The following ATP10B variants were observed in gnomAD, a reference collection of about 807,000 sequenced individuals.
ATP10B encodes ATPase phospholipid transporting 10B (putative).
Under a neutral mutation model 141.2 loss-of-function variants are expected in ATP10B, and 122 were observed. The ratio of observed to expected loss-of-function variants is 0.86; its 90% CI spans 0.75 to 1.00. The LOEUF is 1.00. ATP10B is among the 50% of genes least tolerant of loss of function. The pLI is 0.00. For missense variants in ATP10B, 1,876 were observed against 1,825.3 expected (o/e 1.03, Z -0.51); for synonymous variants, 685 against 692.0 (o/e 0.99, Z 0.16).
intron 2 of ATP10B, among the ~76,000 whole-genome samples, chr5:160,727,213 C>T (rs1766424220): frequency 6.6e-6 from 1 of 152,138 alleles, no homozygotes. Context: ...TTATATTGGA[C>T]ATTATACACT....
chr5:160,912,315 G>A, the ATP10B span, among the ~76,000 whole-genome samples: 3 of 148,698 alleles, frequency 2.0e-5, no homozygotes, highest in East Asian at 2.0e-4. Context: ...AGTGGCTCAC[G>A]CCTATAATCC....
At chr5:160,844,340 A>G (rs1202044479) in intron 1 of ATP10B, among the ~76,000 whole-genome samples, 3 of 152,198 alleles carry the variant, frequency 2.0e-5, no homozygotes, top group Non-Finnish European at 2.9e-5. Flanking sequence ...GTTGTGGTGT[A>G]CTCACATGAT....
rs1248514279 is a variant in ATP10B at position 160,662,201 on chromosome 5, A to G, written c.675+8262T>C. On this transcript the variant is annotated intron_variant, in intron 7 of 25. Coordinates refer to ENST00000327245, the MANE Select transcript of ATP10B (RefSeq NM_025153.3). ...CTCATGGGTAGGAAGAATCAATATCATGAAAATGGCCATACTGCCCAAGGT... is the reference window on the plus strand; with the variant it reads ...CTCATGGGTAGGAAGAATCAATATCGTGAAAATGGCCATACTGCCCAAGGT... Among the ~76,000 whole-genome samples, 8 of 151,498 alleles carry G rather than the reference A, an allele frequency of 5.3e-5. 1 individual carries two copies. The highest frequency in any genetic ancestry group is 1.3e-4 in the Admixed American group (2 of 15,168).
intron 7 of ATP10B, among the ~76,000 whole-genome samples, chr5:160,660,009 A>G (rs1158093228): frequency 6.6e-6 from 1 of 152,146 alleles, no homozygotes; most frequent in African/African-American, 2.4e-5. Context: ...TAAAATTTCA[A>G]CCTCATAGAA....
chr5:160,805,034 T>A (rs1316801476), intron 1 of ATP10B, among the ~76,000 whole-genome samples: 6 of 152,238 alleles, frequency 3.9e-5, no homozygotes, highest in Non-Finnish European at 8.8e-5. Flanking sequence ...AAGCTGTGCA[T>A]ACATGGACCC....
At chr5:160,673,937 G>A (rs1360379987) in intron 6 of ATP10B, among the ~76,000 whole-genome samples, 1 of 152,176 alleles carries the variant, frequency 6.6e-6, no homozygotes, top group Non-Finnish European at 1.5e-5. Context: ...GTGCTTTAAA[G>A]TGTTCTTAAA....
intron 7 of ATP10B, among the ~76,000 whole-genome samples, chr5:160,649,782 G>T (rs1010327991): frequency 6.6e-6 from 1 of 152,132 alleles, no homozygotes; most frequent in Admixed American, 6.5e-5. Flanking sequence ...GATATCCACA[G>T]CTAAAATGCT....
At chr5:160,834,591 G>A (rs771148415) in intron 1 of ATP10B, among the ~76,000 whole-genome samples, 15 of 152,092 alleles carry the variant, frequency 9.9e-5, no homozygotes, top group Admixed American at 2.6e-4. Context: ...AAACTGAAAC[G>A]TACAGATGGG....
At chr5:160,631,269 T>C (rs1758922188) in intron 13 of ATP10B, among the ~76,000 whole-genome samples, 2 of 152,024 alleles carry the variant, frequency 1.3e-5, no homozygotes, top group African/African-American at 4.8e-5. Context: ...GGAGAAAGAG[T>C]GTGTGCAAAG....
At chr5:160,604,587 T>C (rs575283527) in intron 19 of ATP10B, among the ~76,000 whole-genome samples, 2 of 152,264 alleles carry the variant, frequency 1.3e-5, no homozygotes, top group East Asian at 3.9e-4. Context: ...AGGGATGATA[T>C]TGTTTTGTTT....
intron 1 of ATP10B, among the ~76,000 whole-genome samples, chr5:160,792,068 ACCT>A (rs1487034077): frequency 2.0e-5 from 3 of 151,700 alleles, no homozygotes; most frequent in African/African-American, 7.3e-5. Context: ...TTCAAATCTT[ACCT>A]CCTCCAATAA....
At chr5:160,600,748 A>G (rs561692805) in intron 21 of ATP10B, among the ~76,000 whole-genome samples, 59 of 152,286 alleles carry the variant, frequency 3.9e-4, no homozygotes, top group African/African-American at 1.4e-3. Flanking sequence ...CTGATATTGG[A>G]TGCCTGCTCT....
At chr5:160,590,974 G>A in intron 23 of ATP10B, 85 bp downstream of exon 23, 2 of 1,163,510 alleles carry the variant, frequency 1.7e-6, no homozygotes, top group Non-Finnish European at 2.5e-6. Flanking sequence ...GTGTCCAGAA[G>A]GACACTACTG....
intron 8 of ATP10B, among the ~76,000 whole-genome samples, chr5:160,646,042 CTT>C (rs1266878942): frequency 6.6e-6 from 1 of 152,124 alleles, no homozygotes; most frequent in African/African-American, 2.4e-5. Flanking sequence ...TTGTTTGACT[CTT>C]TGTGGTCTGG....
rs1448908833 is a variant in ATP10B at position 160,563,801 on chromosome 5, C to T, written c.*1652G>A. On this transcript the variant is annotated 3_prime_UTR_variant, in exon 26 of 26. Coordinates refer to ENST00000327245, the MANE Select transcript of ATP10B (RefSeq NM_025153.3). ...CTGAGATCCAAGTTTTGACTCAATC[C>T]CCTCACTGGAAACAATTCACATCAT... The T allele has an allele frequency of 6.6e-6, 1 of 152,084 alleles. No individual in the cohort carries two copies. Among genetic ancestry groups the T allele is most frequent in the Non-Finnish European group, 1.5e-5 (1 of 68,000 alleles). 9.4% of individuals were successfully genotyped at this position (152,084 alleles called of 1,614,324 possible). A position where few individuals can be genotyped will look rare whatever the true frequency, so the allele number is the denominator to read the frequency against.
chr5:160,570,473 A>G (rs1268208174), intron 24 of ATP10B, among the ~76,000 whole-genome samples: 1 of 152,208 alleles, frequency 6.6e-6, no homozygotes, highest in Non-Finnish European at 1.5e-5. Flanking sequence ...AGTCTAAACA[A>G]GCAAATGTAC....
the ATP10B span, among the ~76,000 whole-genome samples, chr5:160,876,002 C>T: frequency 3.3e-5 from 2 of 60,830 alleles, 1 homozygote; most frequent in Non-Finnish European, 9.6e-5. Flanking sequence ...CAAGGATATC[C>T]AGGAATTGAA....
intron 1 of ATP10B, among the ~76,000 whole-genome samples, chr5:160,818,373 G>T (rs549442200): frequency 4.1e-4 from 62 of 152,222 alleles, no homozygotes; most frequent in African/African-American, 8.7e-4. Flanking sequence ...AGAAGACATT[G>T]ATGCAGCCAA....
the ATP10B span, among the ~76,000 whole-genome samples, chr5:160,876,769 A>G: frequency 6.6e-6 from 1 of 151,398 alleles, no homozygotes; most frequent in Non-Finnish European, 1.5e-5. Flanking sequence ...CTACGCAAAT[A>G]AACTAGAAAA....
Sources: allele counts gnomAD v4.1 joint callset (sites outside exome capture counted in the v4.1 genomes callset), GRCh38; gene constraint gnomAD v4.1.1; transcripts MANE v1.5; gene names NCBI Gene and HGNC (gene_info 2026-07-23, HGNC 2026-07-21).